LAMP1: variants seen among roughly 807,000 people sequenced by gnomAD.
The protein encoded by LAMP1 is lysosome-associated membrane glycoprotein 1.
Under a neutral mutation model 37.5 loss-of-function variants are expected in LAMP1, and 7 were observed. The observed-to-expected ratio is 0.19, with a 90% CI of 0.11 to 0.35. The LOEUF (loss-of-function observed/expected upper bound fraction) is 0.35. Ranked by LOEUF, LAMP1 falls within the 10% of genes least tolerant of loss-of-function variation. The pLI is 1.00. For synonymous variants in LAMP1, 236 were observed against 229.1 expected (o/e 1.03, Z -0.27); for missense variants, 537 against 552.8 (o/e 0.97, Z 0.29).
rs192693094 is a variant in LAMP1 at position 113,314,308 on chromosome 13, C to T, written c.562+3441C>T. Among the ~76,000 whole-genome samples, 39 of 125,720 alleles carry T rather than the reference C, an allele frequency of 3.1e-4. No individual in the cohort carries two copies. The East Asian group carries it at 6.4e-3, about 21-fold the overall frequency. The allele number at this position is 125,720 out of a possible 152,430, so 82.5% of individuals were successfully genotyped here. On this transcript the variant is annotated intron_variant, in intron 4 of 8. Coordinates refer to ENST00000332556, the MANE Select transcript of LAMP1 (RefSeq NM_005561.4). ...TGTGGAGATGTCGGTGTGCCTGGGG[C>T]GTGGCCTCCTGGAGGGAGCCAGTGC...
At chr13:113,318,862 G>A (rs186222201) in intron 4 of LAMP1, among the ~76,000 whole-genome samples, 5 of 152,100 alleles carry the variant, frequency 3.3e-5, no homozygotes, top group Non-Finnish European at 5.9e-5. Context: ...CTGCTCACAC[G>A]TGGGGTCCTC....
intron 1 of LAMP1, among the ~76,000 whole-genome samples, chr13:113,300,039 A>G (rs997918684): frequency 1.4e-4 from 22 of 152,220 alleles, no homozygotes; most frequent in Non-Finnish European, 2.5e-4. Flanking sequence ...GTGTTTGAAT[A>G]CTTAGAAAGC....
intron 3 of LAMP1, among the ~76,000 whole-genome samples, chr13:113,310,159 G>T (rs535189293): frequency 6.6e-6 from 1 of 152,080 alleles, no homozygotes; most frequent in East Asian, 1.9e-4. Flanking sequence ...AACCCAGGAG[G>T]CAGAGGTTGC....
intron 1 of LAMP1, among the ~76,000 whole-genome samples, chr13:113,304,434 T>C (rs965848575): frequency 1.3e-5 from 2 of 152,242 alleles, no homozygotes; most frequent in Non-Finnish European, 2.9e-5. Flanking sequence ...ATCTGATCTT[T>C]CACAAGAGTG....
intron 2 of LAMP1, 41 bp from the exon 3 acceptor site, chr13:113,309,602 C>G (rs759862933): frequency 6.8e-7 from 1 of 1,462,282 alleles, no homozygotes; most frequent in Admixed American, 1.9e-5. Flanking sequence ...TTTTAATAAC[C>G]TGCATCCCAA....
chr13:113,317,198 T>A (rs998287045), intron 4 of LAMP1, among the ~76,000 whole-genome samples: 3 of 152,060 alleles, frequency 2.0e-5, no homozygotes, highest in Non-Finnish European at 2.9e-5. Flanking sequence ...GGAGGAGGTG[T>A]GACAGTGGAC....
intron 4 of LAMP1, 105 bp from the exon 5 acceptor site, chr13:113,319,364 C>A: frequency 9.9e-7 from 1 of 1,011,892 alleles, no homozygotes; most frequent in Non-Finnish European, 1.4e-6. Context: ...TCACCAAGGA[C>A]GCCAGAGTCC....
At chr13:113,318,092 G>A (rs1329840613) in intron 4 of LAMP1, among the ~76,000 whole-genome samples, 3 of 152,378 alleles carry the variant, frequency 2.0e-5, no homozygotes, top group Non-Finnish European at 4.4e-5. Flanking sequence ...CCCAGTGGCC[G>A]TCAGTGCCTC....
rs41286620 is a variant in LAMP1 at position 113,321,572 on chromosome 13, C to G, written c.959C>G (p.Ala320Gly). 46 of 1,614,088 alleles carry G rather than the reference C, an allele frequency of 2.8e-5. No individual in the cohort carries two copies. Among genetic ancestry groups the G allele is most frequent in the Non-Finnish European group, 3.8e-5 (45 of 1,180,028 alleles). The change falls in exon 8 of 9, where the codon GCT becomes GGT. Residue 320 changes from alanine to glycine, a missense_variant. Ala to Gly is a moderately conservative substitution (Grantham distance 60, BLOSUM62 0). Transcript: ENST00000332556. This position sits in a 1 kb window ranked among gnomAD's most constrained non-coding sequence, Gnocchi z 5.6. ...TGTGTTGCAGACCCTGCCTTTAAAG[C>G]TGCCAACGGCTCCCTGCGAGCGCTG... is the stretch of plus-strand genomic sequence containing the variant. The part of the protein sequence containing the change: ...LPDARDPAFK[A>G]ANGSLRALQA...
At chr13:113,308,354 CAG>C (rs1369547440) in intron 2 of LAMP1, among the ~76,000 whole-genome samples, 1 of 50,168 alleles carries the variant, frequency 2.0e-5, no homozygotes, top group Non-Finnish European at 3.7e-5. Flanking sequence ...TTTTTTGAGG[CAG>C]AGTTTTGCTC....
chr13:113,300,962 A>G (rs1055866261), intron 1 of LAMP1, among the ~76,000 whole-genome samples: 2 of 152,156 alleles, frequency 1.3e-5, no homozygotes, highest in Non-Finnish European at 2.9e-5. Context: ...TTTGTATTGC[A>G]TTAGCCCCAT....
In LAMP1 at chr13:113,297,906, C is replaced by A. The variant is rs2042551358; in HGVS notation, c.61+411C>A. ...AAGGTGGCAGGGACGTCTGTGGTCT[C>A]AGCTCCCGGGTGGGTGACCTAGATC... On this transcript the variant is annotated intron_variant, in intron 1 of 8. Coordinates refer to ENST00000332556, the MANE Select transcript of LAMP1 (RefSeq NM_005561.4). The surrounding 1 kb of genome is among the most constrained non-coding windows in gnomAD (Gnocchi z 4.4). 6.6e-6 allele frequency among the ~76,000 whole-genome samples: 1 copy of A among 152,136 alleles called. No individual in the cohort carries two copies. The highest frequency in any genetic ancestry group is 1.5e-5 in the Non-Finnish European group (1 of 68,038).
rs2042695243 is a variant in LAMP1, at chr13:113,320,887, T to G, written c.876+417T>G. 5 of 214,892 alleles carry G rather than the reference T, an allele frequency of 2.3e-5. No individual in the cohort carries two copies. Among genetic ancestry groups the G allele is most frequent in the Admixed American group, 5.2e-5 (1 of 19,158 alleles). 13.3% of individuals were successfully genotyped at this position (214,892 alleles called of 1,614,324 possible). A position where few individuals can be genotyped will look rare whatever the true frequency, so the allele number is the denominator to read the frequency against. ...CAAATGAATTAACAGTTCAGTTTCTTATAATTTTAGCTTTCCAAATCATGC... is the reference window on the plus strand; with the variant it reads ...CAAATGAATTAACAGTTCAGTTTCTGATAATTTTAGCTTTCCAAATCATGC... On this transcript the variant is annotated intron_variant, in intron 6 of 8. Transcript: ENST00000332556. This position sits in a 1 kb window ranked among gnomAD's most constrained non-coding sequence, Gnocchi z 4.4.
Position 113,297,585 on chromosome 13 carries a change from G to A in LAMP1, c.61+90G>A. On this transcript the variant is annotated intron_variant, in intron 1 of 8. Coordinates refer to ENST00000332556, the MANE Select transcript of LAMP1 (RefSeq NM_005561.4). This position sits in a 1 kb window ranked among gnomAD's most constrained non-coding sequence, Gnocchi z 4.4. ...GAGGGCGGGGGACTGCCGGGTCGTT[G>A]TCCCGCGGGTCGCCCCGCACCCACT... is the stretch of plus-strand genomic sequence containing the variant. 1 of 1,153,736 alleles carries A rather than the reference G, an allele frequency of 8.7e-7. No homozygotes were observed. The highest frequency in any genetic ancestry group is 1.1e-6 in the Non-Finnish European group (1 of 928,062). 71.5% of individuals were successfully genotyped at this position (1,153,736 alleles called of 1,614,324 possible). A position where few individuals can be genotyped will look rare whatever the true frequency, so the allele number is the denominator to read the frequency against.
Position 113,319,634 on chromosome 13 carries a change from C to T in LAMP1, c.728C>T (p.Thr243Ile), listed in dbSNP as rs369669372. ...AGCATGGGGCTGCAGCTGAACCTCA[C>T]CTATGAGAGGAAGGACAACACGGTA... is the stretch of plus-strand genomic sequence containing the variant. ...LASMGLQLNL[T>I]YERKDNTTVT... Residue 243 changes from threonine to isoleucine, a missense_variant, in exon 5 of 9, where the codon ACC becomes ATC. Coordinates refer to ENST00000332556, the MANE Select transcript of LAMP1 (RefSeq NM_005561.4). 1.2e-6 allele frequency: 2 copies of T among 1,613,566 alleles called. No homozygotes were observed. Among genetic ancestry groups the T allele is most frequent in the Non-Finnish European group, 1.7e-6 (2 of 1,179,892 alleles).
intron 8 of LAMP1, 35 bp from the exon 9 acceptor site, chr13:113,322,231 TGCAGGCCCCTGTGTGA>T (rs758640895): frequency 1.1e-5 from 17 of 1,559,352 alleles, no homozygotes; most frequent in South Asian, 2.3e-5. Context: ...GAGGCCTGTT[TGCAGGCCCCTGTGTGA>T]GCAGAGCCCT....
chr13:113,315,606 G>T (rs111277977), intron 4 of LAMP1, among the ~76,000 whole-genome samples: 13 of 151,350 alleles, frequency 8.6e-5, no homozygotes, highest in Admixed American at 5.3e-4. Context: ...GGCCAGGCTG[G>T]TCTTGAGCTC....
chr13:113,312,687 A>T (rs771102286), intron 4 of LAMP1, among the ~76,000 whole-genome samples: 10 of 152,222 alleles, frequency 6.6e-5, no homozygotes, highest in Admixed American at 3.3e-4. Flanking sequence ...TTCCTGGTGC[A>T]GCCTCTGTTC....
chr13:113,304,036 G>C (rs1045728684), intron 1 of LAMP1, among the ~76,000 whole-genome samples: 2 of 152,142 alleles, frequency 1.3e-5, no homozygotes, highest in East Asian at 1.9e-4. Flanking sequence ...CTGCACTCCA[G>C]CCTGGGCAAG....
Sources: allele counts gnomAD v4.1 joint callset (sites outside exome capture counted in the v4.1 genomes callset), GRCh38; gene constraint gnomAD v4.1.1; non-coding constraint Gnocchi (gnomAD v3.1); transcripts MANE v1.5; gene names NCBI Gene and HGNC (gene_info 2026-07-23, HGNC 2026-07-21).